CECR2: variants seen among roughly 807,000 people sequenced by gnomAD.
CECR2 encodes the protein chromatin remodeling regulator CECR2.
Under a neutral mutation model 154.5 loss-of-function variants are expected in CECR2, and 30 were observed. The observed-to-expected ratio is 0.19, with a 90% CI of 0.15 to 0.26. The LOEUF is 0.26. Among genes scored for constraint, CECR2 ranks in the 10% least tolerant of loss-of-function variants. CECR2 has a pLI of 1.00. For synonymous variants in CECR2, 725 were observed against 683.7 expected, an observed-to-expected ratio of 1.06 and a Z score of -0.94; for missense variants, 1,743 against 1,829.3, an observed-to-expected ratio of 0.95 and a Z score of 0.86.
chr22:17,509,581 A>G (rs2055905552), intron 7 of CECR2, among the ~76,000 whole-genome samples: 4 of 151,882 alleles, frequency 2.6e-5, no homozygotes, highest in Non-Finnish European at 5.9e-5. Flanking sequence ...GGCACACACC[A>G]CCACGCCCAG....
chr22:17,547,055 A>T (rs2056625632), intron 16 of CECR2, among the ~76,000 whole-genome samples: 1 of 151,080 alleles, frequency 6.6e-6, no homozygotes, highest in Non-Finnish European at 1.5e-5. Context: ...AAAAAAAAAA[A>T]AAAAGATTAT....
At chr22:17,475,789 G>A (rs1215837431) in intron 1 of CECR2, among the ~76,000 whole-genome samples, 1 of 151,992 alleles carries the variant, frequency 6.6e-6, no homozygotes, top group Non-Finnish European at 1.5e-5. Flanking sequence ...GTCTTCCCTC[G>A]CCTCGGCTGG....
chr22:17,436,137 T>C (rs549109535), intron 1 of CECR2, among the ~76,000 whole-genome samples: 6 of 152,206 alleles, frequency 3.9e-5, no homozygotes, highest in Admixed American at 2.0e-4. Context: ...TTTTTATATT[T>C]TTAGTAGAGA....
chr22:17,438,661 A>G (rs959935175), intron 1 of CECR2, among the ~76,000 whole-genome samples: 1 of 151,608 alleles, frequency 6.6e-6, no homozygotes, highest in Non-Finnish European at 1.5e-5. Flanking sequence ...ATCAGGTATC[A>G]TTAGTGTTAG....
chr22:17,542,094 G>T, intron 15 of CECR2, 63 bp from the exon 16 acceptor site: 1 of 1,575,766 alleles, frequency 6.3e-7, no homozygotes, highest in Non-Finnish European at 8.6e-7. Flanking sequence ...CCATAGAGAA[G>T]CATGGCACAA....
At chr22:17,477,707 C>A in intron 2 of CECR2, 25 bp downstream of exon 2, 2 of 1,526,646 alleles carry the variant, frequency 1.3e-6, no homozygotes, top group South Asian at 1.1e-5. Context: ...TCTTTCTAAG[C>A]ATTTCTTGCG....
chr22:17,411,022 T>TA (rs954780406), intron 1 of CECR2, among the ~76,000 whole-genome samples: 85 of 152,316 alleles, frequency 5.6e-4, no homozygotes, highest in African/African-American at 2.0e-3. Flanking sequence ...GCCTAGCAGT[T>TA]AATAGGAAGC....
intron 1 of CECR2, among the ~76,000 whole-genome samples, chr22:17,392,696 A>AG (rs952701278): frequency 6.6e-6 from 1 of 151,176 alleles, no homozygotes; most frequent in Non-Finnish European, 1.5e-5. Context: ...AAAAAAAAAA[A>AG]CAGCTTTATT....
rs576777487 is a variant in CECR2 at position 17,499,602 on chromosome 22, G to A, written c.545+53G>A. 2.1e-5 allele frequency: 31 copies of A among 1,509,782 alleles called. No individual in the cohort carries two copies. The African/African-American group carries it at 3.8e-4, about 18-fold the overall frequency. The allele number at this position is 1,509,782 out of a possible 1,614,324, so 93.5% of individuals were successfully genotyped here. A position where few individuals can be genotyped will look rare whatever the true frequency, so the allele number is the denominator to read the frequency against. ...AGCTACTGTATTAAAATGTCATTAA[G>A]ATTAAATGCATCAGAATTCTACAGC... On this transcript the variant is annotated intron_variant, in intron 4 of 18. Transcript: ENST00000262608.
intron 8 of CECR2, among the ~76,000 whole-genome samples, chr22:17,522,423 G>A (rs1351929008): frequency 6.6e-6 from 1 of 152,168 alleles, no homozygotes; most frequent in African/African-American, 2.4e-5. Context: ...TATTCGGGAA[G>A]CAGTGGCCAG....
Position 17,500,659 on chromosome 22 carries a change from A to G in CECR2, c.574A>G (p.Ser192Gly), listed in dbSNP as rs535152863. 55 of 1,556,274 alleles carry G rather than the reference A, an allele frequency of 3.5e-5. No homozygotes were observed. The East Asian group carries it at 1.1e-3, about 31-fold the overall frequency. Residue 192 changes from serine (S) to glycine (G), a missense_variant, in exon 5 of 19, where the codon AGT (serine) becomes GGT (glycine). Ser to Gly is a moderately conservative substitution (Grantham distance 56, BLOSUM62 0). Coordinates refer to ENST00000262608, the MANE Select transcript of CECR2 (RefSeq NM_001290047.2). ...AAGTGAAGGACAAAAAAATGTCTCA[A>G]GTATTCCTGGAAAAACGGGAAAAAG... Reference protein sequence around the residue: ...RESEGQKNVSSIPGKTGKRRG... With the variant: ...RESEGQKNVSGIPGKTGKRRG...
At chr22:17,440,998 C>T (rs1255763425) in intron 1 of CECR2, among the ~76,000 whole-genome samples, 1 of 152,060 alleles carries the variant, frequency 6.6e-6, no homozygotes, top group African/African-American at 2.4e-5. Flanking sequence ...CACTCTGTCA[C>T]CCAGACTGGA....
rs2056527706 is a variant in CECR2 at position 17,541,846 on chromosome 22, C to G, written c.1892C>G (p.Ala631Gly). Residue 631 changes from alanine (A) to glycine (G), a missense_variant, in exon 15 of 19, where the codon GCA (alanine) becomes GGA (glycine). By Grantham distance (60) the Ala-to-Gly change is moderately conservative. This residue lies in a region of CECR2 where 1,250 missense variants were observed against 1,192.1 expected (regional missense o/e 1.05). Transcript: ENST00000262608. ...QAPFLNQMRP[A>G]VPGTFGPLRG... ...TTGTTCAATGTGCTGCAGAGGCCAG[C>G]AGTACCAGGAACATTTGGCCCTCTG... The G allele has an allele frequency of 6.2e-7, 1 of 1,613,098 alleles. No individual in the cohort carries two copies. The highest frequency in any genetic ancestry group is 8.5e-7 in the Non-Finnish European group (1 of 1,179,508).
chr22:17,404,361 G>GTTTTTTTTTTTTTTTTTTTTTTTTT (rs2053945581), intron 1 of CECR2, among the ~76,000 whole-genome samples: 1 of 74,806 alleles, frequency 1.3e-5, no homozygotes, highest in Non-Finnish European at 2.5e-5. Flanking sequence ...TCTGGACCCT[G>GTTTTTTTTTTTTTTTTTTTTTTTTT]TTCTTTCTTT....
At chr22:17,363,641 C>G (rs1168176890) in intron 1 of CECR2, among the ~76,000 whole-genome samples, 1 of 151,930 alleles carries the variant, frequency 6.6e-6, no homozygotes, top group African/African-American at 2.4e-5. Context: ...CCATACCTGG[C>G]CTATTTATTT....
At position 17,382,640 on chromosome 22, in the gene CECR2, C is replaced by T. The variant is rs373291166; in HGVS notation, c.126+12731C>T. 2.4e-3 allele frequency among the ~76,000 whole-genome samples: 367 copies of T among 152,356 alleles called. 1 individual carries two copies. The highest frequency in any genetic ancestry group is 8.4e-3 in the African/African-American group (350 of 41,588). Reference sequence around the variant, plus strand: ...ATATTTTAGGCTGGGCACAGTGGCTCACGCCTGTAATCCCAACACTTTGGG... The same window carrying T: ...ATATTTTAGGCTGGGCACAGTGGCTTACGCCTGTAATCCCAACACTTTGGG... On this transcript the variant is annotated intron_variant, in intron 1 of 18. Transcript: ENST00000262608.
chr22:17,484,450 A>G (rs2055384528), intron 2 of CECR2, among the ~76,000 whole-genome samples: 1 of 152,176 alleles, frequency 6.6e-6, no homozygotes, highest in Admixed American at 6.5e-5. Context: ...TCTTATTAGA[A>G]CTTTCTAATC....
At chr22:17,387,709 A>C (rs1431243674) in intron 1 of CECR2, among the ~76,000 whole-genome samples, 1 of 152,190 alleles carries the variant, frequency 6.6e-6, no homozygotes, top group Non-Finnish European at 1.5e-5. Flanking sequence ...TGACAGTGTT[A>C]TATAACAGAA....
At chr22:17,535,732 A>G (rs1033033982) in intron 9 of CECR2, among the ~76,000 whole-genome samples, 16 of 110,472 alleles carry the variant, frequency 1.4e-4, no homozygotes, top group Middle Eastern at 3.6e-3. Flanking sequence ...TAGAAGTCGA[A>G]AAAAAAAATA....
Sources: allele counts gnomAD v4.1 joint callset (sites outside exome capture counted in the v4.1 genomes callset), GRCh38; gene constraint gnomAD v4.1.1; regional missense constraint gnomAD v4.1.1; transcripts MANE v1.5; gene names NCBI Gene and HGNC (gene_info 2026-07-23, HGNC 2026-07-21).